The following TOP1 variants were observed in gnomAD, a reference collection of about 807,000 sequenced individuals.
TOP1 encodes DNA topoisomerase I.
Under a neutral mutation model 111.1 loss-of-function variants are expected in TOP1, and 10 were observed. That is an observed-to-expected ratio of 0.09 (90% confidence interval 0.06 to 0.15). The LOEUF is 0.15. Among genes scored for constraint, TOP1 ranks in the 10% least tolerant of loss-of-function variants. The pLI, the probability that TOP1 is intolerant of heterozygous loss-of-function variation, is 1.00. For synonymous variants in TOP1, 271 were observed against 302.9 expected, an observed-to-expected ratio of 0.89 and a Z score of 1.10; for missense variants, 474 against 926.7, an observed-to-expected ratio of 0.51 and a Z score of 6.34.
At position 41,118,048 on chromosome 20, in the gene TOP1, T is replaced by C. The variant is rs1163894857; in HGVS notation, c.1823-121T>C. Reference sequence around the variant, plus strand: ...AGTCCTTGGGGGCAATTTGAATTAATCATCTGAGTAAGATAAGAGCCAGCA... The same window carrying C: ...AGTCCTTGGGGGCAATTTGAATTAACCATCTGAGTAAGATAAGAGCCAGCA... On this transcript the variant is annotated intron_variant, in intron 17 of 20. Coordinates refer to ENST00000361337, the MANE Select transcript of TOP1 (RefSeq NM_003286.4). The surrounding 1 kb of genome is among the most constrained non-coding windows in gnomAD (Gnocchi z 4.6). 8 of 1,104,478 alleles carry C rather than the reference T, an allele frequency of 7.2e-6. No individual in the cohort carries two copies. The East Asian group carries it at 1.8e-4, about 25-fold the overall frequency. The allele number at this position is 1,104,478 out of a possible 1,614,324, so 68.4% of individuals were successfully genotyped here.
chr20:41,071,636 C>T lies in TOP1; in HGVS notation c.156-4535C>T, dbSNP rs1024558507. 1.3e-5 allele frequency among the ~76,000 whole-genome samples: 2 copies of T among 152,182 alleles called. No individual in the cohort carries two copies. Among genetic ancestry groups the T allele is most frequent in the Non-Finnish European group, 2.9e-5 (2 of 68,034 alleles). ...CTAGGATTACAGGCATGAGCCACCACGCCCAGCCAGATTATTTTTTCTTTA... is the reference window on the plus strand; with the variant it reads ...CTAGGATTACAGGCATGAGCCACCATGCCCAGCCAGATTATTTTTTCTTTA... On this transcript the variant is annotated intron_variant, in intron 3 of 20. Coordinates refer to ENST00000361337, the MANE Select transcript of TOP1 (RefSeq NM_003286.4). The surrounding 1 kb of genome is among the most constrained non-coding windows in gnomAD (Gnocchi z 4.3).
At chr20:41,093,833 G>C (rs1600585207) in intron 9 of TOP1, among the ~76,000 whole-genome samples, 1 of 152,178 alleles carries the variant, frequency 6.6e-6, no homozygotes, top group East Asian at 1.9e-4. Context: ...TACACTAAAG[G>C]GCTGGGTCTG....
At chr20:41,062,192 G>A (rs2033553432) in intron 3 of TOP1, among the ~76,000 whole-genome samples, 1 of 152,170 alleles carries the variant, frequency 6.6e-6, no homozygotes, top group Non-Finnish European at 1.5e-5. Context: ...GACAGTTGTT[G>A]GTGAGAAAGC....
Position 41,095,941 on chromosome 20 carries a change from T to C in TOP1, c.731-1279T>C, listed in dbSNP as rs1483458133. Among the ~76,000 whole-genome samples the C allele has an allele frequency of 2.0e-5, 3 of 152,220 alleles. No individual in the cohort carries two copies. The highest frequency in any genetic ancestry group is 4.8e-5 in the African/African-American group (2 of 41,456). On this transcript the variant is annotated intron_variant, in intron 9 of 20. Transcript: ENST00000361337. The surrounding 1 kb of genome is among the most constrained non-coding windows in gnomAD (Gnocchi z 4.6). ...CAAAAGCATTTGTTTGAAAAGTGGA[T>C]TAAATTCCCAAGTACTTTTCTTTCA...
intron 2 of TOP1, among the ~76,000 whole-genome samples, chr20:41,041,565 T>G (rs1018125424): frequency 6.6e-6 from 1 of 152,058 alleles, no homozygotes; most frequent in Non-Finnish European, 1.5e-5. Context: ...GAAGATCAAG[T>G]GGGAGACTTT....
In TOP1 at chr20:41,100,767, A is replaced by G. The variant is rs2034051516; in HGVS notation, c.1164-442A>G. ...TCTGTATGGCATATCCAAATTGCCA[A>G]CATCACCACTTTCACACTTTGGGGC... On this transcript the variant is annotated intron_variant, in intron 12 of 20. Transcript: ENST00000361337. This position sits in a 1 kb window ranked among gnomAD's most constrained non-coding sequence, Gnocchi z 4.4. 6.1e-6 allele frequency: 1 copy of G among 165,068 alleles called. No individual in the cohort carries two copies. The highest frequency in any genetic ancestry group is 1.3e-5 in the Non-Finnish European group (1 of 75,504). 10.2% of individuals were successfully genotyped at this position (165,068 alleles called of 1,614,324 possible). A position where few individuals can be genotyped will look rare whatever the true frequency, so the allele number is the denominator to read the frequency against.
At chr20:41,048,332 T>C (rs1600558342) in intron 2 of TOP1, among the ~76,000 whole-genome samples, 1 of 152,214 alleles carries the variant, frequency 6.6e-6, no homozygotes, top group East Asian at 1.9e-4. Flanking sequence ...AGAGCTTGTG[T>C]TAAAATATCT....
Position 41,121,910 on chromosome 20 carries a change from A to G in TOP1, c.2046-96A>G. Reference sequence around the variant, plus strand: ...AGAAATGTCTTTTGGAAATCTCTATACTAGGGCTTTTATTGACTCAAAGTG... The same window carrying G: ...AGAAATGTCTTTTGGAAATCTCTATGCTAGGGCTTTTATTGACTCAAAGTG... On this transcript the variant is annotated intron_variant, in intron 19 of 20. Transcript: ENST00000361337. The surrounding 1 kb of genome is among the most constrained non-coding windows in gnomAD (Gnocchi z 4.2). 2 of 1,564,748 alleles carry G rather than the reference A, an allele frequency of 1.3e-6. No homozygotes were observed. The highest frequency in any genetic ancestry group is 2.7e-5 in the African/African-American group (2 of 72,944).
intron 4 of TOP1, among the ~76,000 whole-genome samples, chr20:41,077,327 C>T (rs968472328): frequency 6.6e-6 from 1 of 152,174 alleles, no homozygotes; most frequent in Non-Finnish European, 1.5e-5. Context: ...AGAGACCTGC[C>T]ACCACTTAAA....
chr20:41,087,500 A>C (rs2052009365), intron 8 of TOP1, among the ~76,000 whole-genome samples: 2 of 152,212 alleles, frequency 1.3e-5, no homozygotes, highest in South Asian at 4.1e-4. Flanking sequence ...TCTCTTAGCA[A>C]AGGTAAAATG....
chr20:41,086,628 G>C (rs955248640), intron 8 of TOP1, among the ~76,000 whole-genome samples: 4 of 152,182 alleles, frequency 2.6e-5, no homozygotes, highest in Non-Finnish European at 1.5e-5. Context: ...AGGGGTTTAG[G>C]AGCCTAATTT....
intron 2 of TOP1, among the ~76,000 whole-genome samples, chr20:41,045,309 G>A (rs764575433): frequency 6.6e-5 from 10 of 152,112 alleles, no homozygotes; most frequent in African/African-American, 2.2e-4. Flanking sequence ...CCAAAGACAC[G>A]TGTGAATTTG....
chr20:41,118,188 G>T lies in TOP1; in HGVS notation c.1842G>T (p.Ala614=). Residue 614 remains alanine, a synonymous_variant, in exon 18 of 21, where the codon GCG becomes GCT. Transcript: ENST00000361337. The surrounding 1 kb of genome is among the most constrained non-coding windows in gnomAD (Gnocchi z 4.6). ...TTACAGCGGATGAGAACATCCCAGC[G>T]AAGATCCTTTCTTATAACCGTGCCA... ...ELTAPDENIP[A]KILSYNRANR... The T allele has an allele frequency of 6.2e-7, 1 of 1,614,084 alleles. No homozygotes were observed. Among genetic ancestry groups the T allele is most frequent in the East Asian group, 2.2e-5 (1 of 44,888 alleles).
Position 41,069,997 on chromosome 20 carries a change from C to CA in TOP1, c.156-6168dup, listed in dbSNP as rs2033651486. Among the ~76,000 whole-genome samples the CA allele has an allele frequency of 6.6e-6, 1 of 151,956 alleles. No individual in the cohort carries two copies. On this transcript the variant is annotated intron_variant, in intron 3 of 20. Coordinates refer to ENST00000361337, the MANE Select transcript of TOP1 (RefSeq NM_003286.4). This position sits in a 1 kb window ranked among gnomAD's most constrained non-coding sequence, Gnocchi z 4.1. Reference sequence around the variant, plus strand: ...GGGTGGAATAGTAGAAAATGAGACCCAAAAAAGTGGCTTGAGGCAAAACTA... The same window carrying CA: ...GGGTGGAATAGTAGAAAATGAGACCCAAAAAAAGTGGCTTGAGGCAAAACTA...
chr20:41,072,356 C>T, intron 3 of TOP1: 1 of 985,400 alleles, frequency 1.0e-6, no homozygotes, highest in South Asian at 4.7e-5. Context: ...TCCATCATTT[C>T]ACTGTTAATG....
At chr20:41,052,004 ATTCTT>A (rs1184354464) in intron 2 of TOP1, among the ~76,000 whole-genome samples, 4 of 152,194 alleles carry the variant, frequency 2.6e-5, no homozygotes, top group African/African-American at 9.7e-5. Flanking sequence ...TCAAAATAAA[ATTCTT>A]TAAAATCACT....
Position 41,122,210 on chromosome 20 carries a change from G to C in TOP1, c.2195+55G>C. 6.3e-7 allele frequency: 1 copy of C among 1,587,886 alleles called. No individual in the cohort carries two copies. The highest frequency in any genetic ancestry group is 8.6e-7 in the Non-Finnish European group (1 of 1,160,744). The stretch of plus-strand genomic sequence containing the variant: ...CTGCTAGCTTAAGAAAGGTGGAGGG[G>C]GTTCCGAGAGCACTGGTGGCCTTCA... On this transcript the variant is annotated intron_variant, in intron 20 of 20. Transcript: ENST00000361337. The surrounding 1 kb of genome is among the most constrained non-coding windows in gnomAD (Gnocchi z 5.4).
chr20:41,097,105 C>A lies in TOP1; in HGVS notation c.731-115C>A. On this transcript the variant is annotated intron_variant, in intron 9 of 20. Coordinates refer to ENST00000361337, the MANE Select transcript of TOP1 (RefSeq NM_003286.4). This position sits in a 1 kb window ranked among gnomAD's most constrained non-coding sequence, Gnocchi z 4.2. ...GTTGTTGCTACTATGTGTCACCAGA[C>A]CTTTATATACCATGAGAAGGCAAAC... 1 of 1,106,012 alleles carries A rather than the reference C, an allele frequency of 9.0e-7. No homozygotes were observed. Among genetic ancestry groups the A allele is most frequent in the Non-Finnish European group, 1.3e-6 (1 of 778,822 alleles). The allele number at this position is 1,106,012 out of a possible 1,614,324, so 68.5% of individuals were successfully genotyped here.
chr20:41,066,005 T>A (rs11697710), intron 3 of TOP1, among the ~76,000 whole-genome samples: 3,376 of 152,308 alleles, frequency 0.022, 62 homozygotes, highest in Non-Finnish European at 0.035. Flanking sequence ...AACAGTATCA[T>A]CTGAGGAGGT....
Sources: gnomAD v4.1 joint callset for allele counts (sites outside exome capture counted in the v4.1 genomes callset) on GRCh38, gnomAD v4.1.1 for gene constraint, Gnocchi (gnomAD v3.1) non-coding constraint, MANE v1.5 for transcripts, NCBI Gene and HGNC (gene_info 2026-07-23, HGNC 2026-07-21) for gene names.